SHCBP1L: variants seen among roughly 807,000 people sequenced by gnomAD.
The protein encoded by SHCBP1L is SHC binding and spindle associated 1 like, also known as testicular spindle-associated protein SHCBP1L.
SHCBP1L carries 67 observed loss-of-function variants against 62.5 expected under a neutral mutation model. The ratio of observed to expected loss-of-function variants is 1.07; its 90% CI spans 0.88 to 1.31. The LOEUF (loss-of-function observed/expected upper bound fraction) is 1.31, where lower values mean the gene tolerates loss of function less well. Among genes scored for constraint, SHCBP1L ranks in the 40% most tolerant of loss-of-function variants. The pLI is 0.00. For missense variants in SHCBP1L, 823 were observed against 809.8 expected (o/e 1.02, Z -0.20); for synonymous variants, 284 against 289.4 (o/e 0.98, Z 0.19).
At chr1:182,934,993 C>T (rs953054024) in intron 5 of SHCBP1L, among the ~76,000 whole-genome samples, 4 of 152,066 alleles carry the variant, frequency 2.6e-5, no homozygotes, top group Admixed American at 1.3e-4. Context: ...ACTCTCTAAT[C>T]TGGACTATAT....
chr1:182,902,147 T>C (rs1369893575), intron 9 of SHCBP1L, among the ~76,000 whole-genome samples: 1 of 151,234 alleles, frequency 6.6e-6, no homozygotes, highest in Admixed American at 6.6e-5. Flanking sequence ...CCTCTCGAGT[T>C]CAAGTGATTC....
intron 8 of SHCBP1L, among the ~76,000 whole-genome samples, 170 bp from the exon 9 acceptor site, chr1:182,903,331 A>G (rs896303507): frequency 1.3e-5 from 2 of 152,210 alleles, no homozygotes; most frequent in Non-Finnish European, 2.9e-5. Flanking sequence ...ATTTAAAAAT[A>G]TTGAAAATTT....
intron 2 of SHCBP1L, among the ~76,000 whole-genome samples, chr1:182,944,881 T>C (rs1047827812): frequency 9.2e-5 from 14 of 152,058 alleles, no homozygotes; most frequent in African/African-American, 3.4e-4. Context: ...TGATTTTTCA[T>C]TCCTGCAAAA....
rs897293311 is a variant in SHCBP1L at position 182,922,791 on chromosome 1, T to C, written c.1182+6856A>G. Reference sequence around the variant, plus strand: ...AAGTTTATTCTGCTAATCGCTCACATCAAAAGGTTAGAAAGATCTCAAATT... The same window carrying C: ...AAGTTTATTCTGCTAATCGCTCACACCAAAAGGTTAGAAAGATCTCAAATT... On this transcript the variant is annotated intron_variant, in intron 6 of 9. Coordinates refer to ENST00000367547, the MANE Select transcript of SHCBP1L (RefSeq NM_030933.4). 2.0e-5 allele frequency among the ~76,000 whole-genome samples: 3 copies of C among 151,986 alleles called. No individual in the cohort carries two copies. In the East Asian group the frequency reaches 5.8e-4, roughly 29 times the overall value.
At chr1:182,900,551 C>T (rs1649800466) in intron 9 of SHCBP1L, among the ~76,000 whole-genome samples, 1 of 152,134 alleles carries the variant, frequency 6.6e-6, no homozygotes, top group African/African-American at 2.4e-5. Flanking sequence ...CCTGCCTCAG[C>T]CACTCAAGTA....
At chr1:182,900,555 T>A (rs1649800584) in intron 9 of SHCBP1L, among the ~76,000 whole-genome samples, 1 of 152,080 alleles carries the variant, frequency 6.6e-6, no homozygotes, top group South Asian at 2.1e-4. Context: ...CCTCAGCCAC[T>A]CAAGTAGCTG....
In SHCBP1L at chr1:182,909,708, G is replaced by A. The variant is rs577268402; in HGVS notation, c.1183-4059C>T. The stretch of plus-strand genomic sequence containing the variant: ...CTGACAGCAGGACTTGAGTACACAC[G>A]GATTTGGATACATGCCAAGTGTCTG... On this transcript the variant is annotated intron_variant, in intron 6 of 9. Coordinates refer to ENST00000367547, the MANE Select transcript of SHCBP1L (RefSeq NM_030933.4). Among the ~76,000 whole-genome samples, 19 of 152,254 alleles carry A rather than the reference G, an allele frequency of 1.2e-4. 2 individuals carry two copies. The South Asian group carries it at 2.7e-3, about 22-fold the overall frequency.
Position 182,900,054 on chromosome 1 carries a change from G to T in SHCBP1L, c.1891C>A (p.Leu631Met). 6.2e-7 allele frequency: 1 copy of T among 1,613,142 alleles called. No individual in the cohort carries two copies. The highest frequency in any genetic ancestry group is 8.5e-7 in the Non-Finnish European group (1 of 1,179,504). Residue 631 changes from leucine (L) to methionine (M), a missense_variant, in exon 10 of 10, where the codon CTG (leucine) becomes ATG (methionine). Transcript: ENST00000367547. ...TTATTATTATTCATTTCCAGATTCA[G>T]ATTTTGCATTACTTTGAAGAGCATT... The part of the protein sequence containing the change: ...DKMLFKVMQN[L>M]NLEMNNNKIE...
At chr1:182,945,851 G>C (rs1651549484) in intron 2 of SHCBP1L, among the ~76,000 whole-genome samples, 1 of 152,026 alleles carries the variant, frequency 6.6e-6, no homozygotes, top group Non-Finnish European at 1.5e-5. Context: ...CTTGAGGCCG[G>C]GAGTTCCAGA....
intron 5 of SHCBP1L, among the ~76,000 whole-genome samples, chr1:182,930,938 C>G (rs1450221449): frequency 1.4e-5 from 2 of 143,692 alleles, no homozygotes. Context: ...ATTGCCCAAG[C>G]TGGTCTTGAA....
At chr1:182,919,726 G>T (rs754729888) in intron 6 of SHCBP1L, among the ~76,000 whole-genome samples, 1 of 152,172 alleles carries the variant, frequency 6.6e-6, no homozygotes, top group African/African-American at 2.4e-5. Context: ...TGGAATGGTC[G>T]TTCACTGAGG....
intron 6 of SHCBP1L, among the ~76,000 whole-genome samples, chr1:182,924,716 GAAAGAAAGAAA>G (rs1650634710): frequency 2.2e-5 from 1 of 46,460 alleles, no homozygotes; most frequent in African/African-American, 2.0e-4. Context: ...AAGAAAGAAA[GAAAGAAAGAAA>G]GAAAGAAAGA....
intron 9 of SHCBP1L, among the ~76,000 whole-genome samples, chr1:182,902,748 A>C (rs994635878): frequency 3.3e-5 from 5 of 152,150 alleles, no homozygotes; most frequent in Non-Finnish European, 5.9e-5. Flanking sequence ...GAAATACCAA[A>C]ATGTATTACA....
chr1:182,899,961 C>T lies in SHCBP1L; in HGVS notation c.*22G>A, dbSNP rs1046713322. The T allele has an allele frequency of 1.3e-6, 2 of 1,549,202 alleles. No homozygotes were observed. The highest frequency in any genetic ancestry group is 2.8e-5 in the African/African-American group (2 of 72,332). ...TTAAACAAATTTGTGAAATATAAAA[C>T]TTTAACATCAATTCAGACGCTTTAA... On this transcript the variant is annotated 3_prime_UTR_variant, in exon 10 of 10. Coordinates refer to ENST00000367547, the MANE Select transcript of SHCBP1L (RefSeq NM_030933.4).
rs1432743675 is a variant in SHCBP1L, at chr1:182,904,264, G to A, written c.1503C>T (p.Cys501=). 3.1e-6 allele frequency: 5 copies of A among 1,614,040 alleles called. No individual in the cohort carries two copies. The highest frequency in any genetic ancestry group is 4.2e-6 in the Non-Finnish European group (5 of 1,180,012). Residue 501 remains cysteine (C), a synonymous_variant, in exon 8 of 10, where the codon TGC becomes TGT. Coordinates refer to ENST00000367547, the MANE Select transcript of SHCBP1L (RefSeq NM_030933.4). ...VESGHMTLEN[C]ILKCEGTGVC... ...CTCCTGTTCCTTCACATTTTAATAT[G>A]CAGTTTTCTAGAGTCATGTGACCAG...
At chr1:182,904,159 A>G (rs1348391166) in intron 8 of SHCBP1L, 21 bp downstream of exon 8, 4 of 1,611,944 alleles carry the variant, frequency 2.5e-6, no homozygotes, top group Non-Finnish European at 3.4e-6. Context: ...ATAAGGCCAT[A>G]CTTTTTAAAG....
intron 5 of SHCBP1L, 83 bp from the exon 6 acceptor site, chr1:182,929,835 C>T: frequency 5.7e-6 from 5 of 882,548 alleles, no homozygotes; most frequent in Non-Finnish European, 8.5e-6. Context: ...AAACTTGGTA[C>T]TAAGCATCTT....
At chr1:182,951,139 G>A (rs915120350) in intron 2 of SHCBP1L, among the ~76,000 whole-genome samples, 179 bp downstream of exon 2, 3 of 151,876 alleles carry the variant, frequency 2.0e-5, no homozygotes, top group Non-Finnish European at 2.9e-5. Flanking sequence ...TAATGATAAT[G>A]GTTTACAGGC....
intron 6 of SHCBP1L, among the ~76,000 whole-genome samples, chr1:182,916,348 GT>G (rs1409616701): frequency 6.6e-6 from 1 of 151,758 alleles, no homozygotes; most frequent in Non-Finnish European, 1.5e-5. Context: ...AAAGCCAACA[GT>G]AAAAGGAAAC....
Sources: allele counts gnomAD v4.1 joint callset (sites outside exome capture counted in the v4.1 genomes callset), GRCh38; gene constraint gnomAD v4.1.1; transcripts MANE v1.5; gene names NCBI Gene and HGNC (gene_info 2026-07-23, HGNC 2026-07-21).